KAT6B: variants seen among roughly 807,000 people sequenced by gnomAD.
KAT6B encodes the protein histone acetyltransferase KAT6B.
In KAT6B, 10 loss-of-function variants were observed where a neutral mutation model predicts 187.5. That is an observed-to-expected ratio of 0.05 (90% CI 0.03 to 0.09). The LOEUF is 0.09. Ranked by LOEUF, KAT6B falls within the 10% of genes least tolerant of loss-of-function variation. The probability of loss-of-function intolerance (pLI) is 1.00; values close to 1 mark genes in which losing one functional copy is unlikely to be tolerated. For missense variants in KAT6B, 1,952 were observed against 2,558.9 expected (o/e 0.76, Z 5.12); for synonymous variants, 861 against 926.8 (o/e 0.93, Z 1.29).
intron 3 of KAT6B, among the ~76,000 whole-genome samples, chr10:74,929,834 T>G (rs1848745516): frequency 6.6e-6 from 1 of 152,160 alleles, no homozygotes; most frequent in African/African-American, 2.4e-5. Context: ...GTAATATTAT[T>G]TAGGTCTTAA....
intron 4 of KAT6B, 110 bp downstream of exon 4, chr10:74,960,188 A>C (rs1219860556): frequency 1.2e-6 from 1 of 803,574 alleles, no homozygotes; most frequent in Admixed American, 1.9e-5. Context: ...TTATATGGTA[A>C]TAGCATAGGC....
chr10:75,019,689 A>G (rs557785389), intron 13 of KAT6B, among the ~76,000 whole-genome samples: 4 of 152,172 alleles, frequency 2.6e-5, no homozygotes, highest in South Asian at 4.2e-4. Context: ...TTTCTACCCC[A>G]TAAGTGGCTC....
chr10:74,995,358 T>C (rs1459496798), intron 13 of KAT6B, among the ~76,000 whole-genome samples: 1 of 152,230 alleles, frequency 6.6e-6, no homozygotes, highest in East Asian at 1.9e-4. Context: ...TTTTTTATTT[T>C]ATACTTGTTA....
chr10:74,969,089 G>C (rs1272004693), intron 4 of KAT6B, among the ~76,000 whole-genome samples: 1 of 152,178 alleles, frequency 6.6e-6, no homozygotes, highest in Non-Finnish European at 1.5e-5. Flanking sequence ...TAAACTCAGT[G>C]ACCCAGGGGC....
At chr10:75,019,700 T>C (rs1017522020) in intron 13 of KAT6B, among the ~76,000 whole-genome samples, 5 of 152,298 alleles carry the variant, frequency 3.3e-5, no homozygotes, top group Non-Finnish European at 5.9e-5. Context: ...TAAGTGGCTC[T>C]TAATTACTGA....
At chr10:74,846,233 T>G (rs80037015) in intron 3 of KAT6B, among the ~76,000 whole-genome samples, 3,593 of 152,144 alleles carry the variant, frequency 0.024, 133 homozygotes, top group African/African-American at 0.081. Context: ...CTTAGGTGGT[T>G]GTTGTGTTTG....
At chr10:74,854,416 T>C (rs1322810763) in intron 3 of KAT6B, among the ~76,000 whole-genome samples, 1 of 152,172 alleles carries the variant, frequency 6.6e-6, no homozygotes, top group East Asian at 1.9e-4. Flanking sequence ...TCTTTTTCCT[T>C]ATATAAGTGA....
intron 4 of KAT6B, among the ~76,000 whole-genome samples, 153 bp downstream of exon 4, chr10:74,960,231 GAA>G (rs1486505348): frequency 1.3e-5 from 2 of 152,022 alleles, no homozygotes; most frequent in Non-Finnish European, 2.9e-5. Context: ...AAGGAATAGA[GAA>G]AAAAGCGTGA....
chr10:74,867,546 T>G (rs1162077150), intron 3 of KAT6B, among the ~76,000 whole-genome samples: 11 of 152,340 alleles, frequency 7.2e-5, no homozygotes. Flanking sequence ...TGAGATTTTC[T>G]GAAAGTTCAG....
At chr10:74,996,084 T>A (rs374458459) in intron 13 of KAT6B, among the ~76,000 whole-genome samples, 2 of 152,342 alleles carry the variant, frequency 1.3e-5, no homozygotes, top group South Asian at 4.1e-4. Flanking sequence ...TGTGTGTTTG[T>A]GTATATGCAT....
intron 3 of KAT6B, among the ~76,000 whole-genome samples, chr10:74,950,852 C>T (rs935257497): frequency 2.0e-5 from 3 of 152,082 alleles, no homozygotes; most frequent in African/African-American, 7.2e-5. Flanking sequence ...GACATGGTAG[C>T]TCATTCCTGT....
intron 13 of KAT6B, among the ~76,000 whole-genome samples, chr10:75,006,214 C>CAATAAATATAAT (rs1844194529): frequency 6.6e-6 from 1 of 151,918 alleles, no homozygotes; most frequent in Non-Finnish European, 1.5e-5. Context: ...TCTGACCAGA[C>CAATAAATATAAT]AATAAATATA....
intron 13 of KAT6B, among the ~76,000 whole-genome samples, chr10:75,002,194 A>G (rs1037158505): frequency 5.3e-5 from 8 of 152,156 alleles, no homozygotes; most frequent in Admixed American, 1.3e-4. Flanking sequence ...GAGGGAGATC[A>G]TGAAGCACTC....
chr10:75,004,055 G>GTTT (rs545654039), intron 13 of KAT6B, among the ~76,000 whole-genome samples: 1 of 142,558 alleles, frequency 7.0e-6, no homozygotes, highest in Non-Finnish European at 1.5e-5. Context: ...CAGGTGGTTG[G>GTTT]TTTTTTTTTT....
At chr10:74,969,834 G>A (rs879580542) in intron 5 of KAT6B, 59 bp downstream of exon 5, 56 of 1,291,396 alleles carry the variant, frequency 4.3e-5, no homozygotes, top group Non-Finnish European at 6.0e-5. Context: ...GTGTTAAGGT[G>A]TTTTCATTTT....
At chr10:74,908,118 G>T (rs2132863114) in intron 3 of KAT6B, among the ~76,000 whole-genome samples, 1 of 152,220 alleles carries the variant, frequency 6.6e-6, no homozygotes, top group African/African-American at 2.4e-5. Flanking sequence ...TATAAGAAGA[G>T]TATGAGAGAC....
At chr10:74,872,490 C>T (rs1844066680) in intron 3 of KAT6B, among the ~76,000 whole-genome samples, 1 of 152,120 alleles carries the variant, frequency 6.6e-6, no homozygotes, top group Admixed American at 6.5e-5. Context: ...ATCCTTCCAC[C>T]TCAGCCTCCC....
intron 1 of KAT6B, among the ~76,000 whole-genome samples, chr10:74,830,608 C>T (rs1840680461): frequency 6.6e-6 from 1 of 150,672 alleles, no homozygotes. Flanking sequence ...ACACTCCCTC[C>T]AGCAATATAT....
chr10:74,855,209 G>T (rs1842739828), intron 3 of KAT6B, among the ~76,000 whole-genome samples: 1 of 152,194 alleles, frequency 6.6e-6, no homozygotes, highest in Non-Finnish European at 1.5e-5. Context: ...ATGGAGAGCA[G>T]TGAGGCCTGC....
Sources: gnomAD v4.1 joint callset for allele counts (sites outside exome capture counted in the v4.1 genomes callset) on GRCh38, gnomAD v4.1.1 for gene constraint, MANE v1.5 for transcripts, NCBI Gene and HGNC (gene_info 2026-07-23, HGNC 2026-07-21) for gene names.